Variants in ACSBG1 observed in about 807,000 individuals in gnomAD.
ACSBG1 encodes the protein acyl-CoA synthetase bubblegum family member 1.
A neutral mutation model predicts 80.2 loss-of-function variants in ACSBG1; 39 were observed. The ratio of observed to expected loss-of-function variants is 0.49; its 90% CI spans 0.38 to 0.64. The LOEUF (loss-of-function observed/expected upper bound fraction) is 0.64. Ranked by LOEUF, ACSBG1 falls within the 30% of genes least tolerant of loss-of-function variation. ACSBG1 has a pLI of 0.00. For missense variants in ACSBG1, 828 were observed against 966.4 expected (o/e 0.86, Z 1.90); for synonymous variants, 392 against 379.5 (o/e 1.03, Z -0.38).
intron 5 of ACSBG1, among the ~76,000 whole-genome samples, chr15:78,190,377 C>T (rs751754354): frequency 3.3e-5 from 5 of 150,768 alleles, no homozygotes; most frequent in South Asian, 2.1e-4. Flanking sequence ...TTTTTTAAGA[C>T]AGGGTCTAAC....
chr15:78,210,191 C>G (rs916537930), intron 1 of ACSBG1, among the ~76,000 whole-genome samples: 8 of 152,188 alleles, frequency 5.3e-5, no homozygotes, highest in African/African-American at 1.9e-4. Context: ...CAACCATGGT[C>G]AATGAGAGGG....
At chr15:78,194,324 G>A (rs2075090458) in intron 3 of ACSBG1, among the ~76,000 whole-genome samples, 182 bp downstream of exon 3, 1 of 152,250 alleles carries the variant, frequency 6.6e-6, no homozygotes, top group Non-Finnish European at 1.5e-5. Flanking sequence ...TAGGGGCTCA[G>A]CAAATAAAAG....
At chr15:78,207,686 G>T (rs1479638446) in intron 2 of ACSBG1, 5 of 363,526 alleles carry the variant, frequency 1.4e-5, no homozygotes, top group Admixed American at 7.6e-5. Context: ...GCAACCCTTT[G>T]CTGGAGCCCC....
chr15:78,186,135 A>C (rs931731178), intron 5 of ACSBG1, among the ~76,000 whole-genome samples: 1 of 152,172 alleles, frequency 6.6e-6, no homozygotes, highest in African/African-American at 2.4e-5. Flanking sequence ...CCCCTTTACC[A>C]TTATGTAATG....
chr15:78,194,107 G>A lies in ACSBG1; in HGVS notation c.454-87C>T, dbSNP rs28408435. On this transcript the variant is annotated intron_variant, in intron 3 of 13. Coordinates refer to ENST00000258873, the MANE Select transcript of ACSBG1 (RefSeq NM_015162.5). ...CTCAGAGCCCCCACCCAGACTGCAGGGGACCTGCAGGCTCCACCCTCCCAG... is the reference window on the plus strand; with the variant it reads ...CTCAGAGCCCCCACCCAGACTGCAGAGGACCTGCAGGCTCCACCCTCCCAG... 5.7e-3 allele frequency: 7,446 copies of A among 1,310,834 alleles called. 226 individuals carry two copies. In the African/African-American group the frequency reaches 0.079, roughly 14 times the overall value. The allele number at this position is 1,310,834 out of a possible 1,614,324, so 81.2% of individuals were successfully genotyped here. A position where few individuals can be genotyped will look rare whatever the true frequency, so the allele number is the denominator to read the frequency against.
intron 2 of ACSBG1, 185 bp downstream of exon 2, chr15:78,207,817 G>A (rs900837366): frequency 3.3e-5 from 20 of 603,078 alleles, no homozygotes; most frequent in Non-Finnish European, 4.7e-5. Context: ...ATCACGCCTG[G>A]CCCTGATGGC....
At chr15:78,200,300 G>A (rs923506572) in intron 2 of ACSBG1, among the ~76,000 whole-genome samples, 8 of 152,084 alleles carry the variant, frequency 5.3e-5, no homozygotes, top group African/African-American at 1.9e-4. Context: ...CCTAGCTCTG[G>A]AGGACCCCTT....
intron 7 of ACSBG1, 54 bp downstream of exon 7, chr15:78,182,412 G>T: frequency 6.3e-7 from 1 of 1,599,998 alleles, no homozygotes. Context: ...CCATGGCCCA[G>T]ATCCACCCAT....
In ACSBG1 at chr15:78,177,631, C is replaced by T. The variant is rs969361268; in HGVS notation, c.1702+983G>A. On this transcript the variant is annotated intron_variant, in intron 11 of 13. Coordinates refer to ENST00000258873, the MANE Select transcript of ACSBG1 (RefSeq NM_015162.5). This position sits in a 1 kb window ranked among gnomAD's most constrained non-coding sequence, Gnocchi z 4.1. Reference sequence around the variant, plus strand: ...CTCACTGGAGGGTACCTCCAGGGCTCATCAGCCTGCACATCCCAGGGCCCA... The same window carrying T: ...CTCACTGGAGGGTACCTCCAGGGCTTATCAGCCTGCACATCCCAGGGCCCA... Among the ~76,000 whole-genome samples, 2 of 152,298 alleles carry T rather than the reference C, an allele frequency of 1.3e-5. No individual in the cohort carries two copies. The highest frequency in any genetic ancestry group is 4.8e-5 in the African/African-American group (2 of 41,562).
At chr15:78,229,019 A>T (rs1010219159) in intron 1 of ACSBG1, among the ~76,000 whole-genome samples, 1 of 151,914 alleles carries the variant, frequency 6.6e-6, no homozygotes, top group Admixed American at 6.6e-5. Flanking sequence ...ATAACATAAA[A>T]TTTTCCATTT....
Position 78,182,035 on chromosome 15 carries a change from G to C in ACSBG1, c.1005C>G (p.Ile335Met). The C allele has an allele frequency of 6.2e-7, 1 of 1,614,142 alleles. No individual in the cohort carries two copies. The highest frequency in any genetic ancestry group is 8.5e-7 in the Non-Finnish European group (1 of 1,180,032). Reference sequence around the variant, plus strand: ...ACTGGATGCCTGTCCACAGGTCGTAGATCTGGGCGGCAATATGGCTGAGGG... The same window carrying C: ...ACTGGATGCCTGTCCACAGGTCGTACATCTGGGCGGCAATATGGCTGAGGG... Reference protein sequence around the residue: ...YLPLSHIAAQIYDLWTGIQWG... With the variant: ...YLPLSHIAAQMYDLWTGIQWG... The change falls in exon 8 of 14, where the codon ATC becomes ATG. Residue 335 changes from isoleucine to methionine, a missense_variant. Ile to Met is a conservative substitution (Grantham distance 10). Around this residue, in one of 3 missense-constraint regions of ACSBG1, gnomAD observed 271 missense variants for 375.9 expected, o/e 0.72. Transcript: ENST00000258873.
At chr15:78,215,784 A>AAG (rs1284722394) in intron 1 of ACSBG1, among the ~76,000 whole-genome samples, 92 of 136,392 alleles carry the variant, frequency 6.7e-4, no homozygotes, top group African/African-American at 2.5e-3. Context: ...GAAAGAAAGA[A>AAG]AGAGAAAGAA....
intron 2 of ACSBG1, among the ~76,000 whole-genome samples, chr15:78,207,252 A>G (rs1217389422): frequency 1.3e-5 from 2 of 152,106 alleles, no homozygotes; most frequent in Non-Finnish European, 2.9e-5. Context: ...GGCAGGGGGC[A>G]TGAGAGGAAA....
Position 78,179,613 on chromosome 15 carries a change from T to C in ACSBG1, c.1421A>G (p.Tyr474Cys). The C allele has an allele frequency of 6.2e-7, 1 of 1,614,182 alleles. No individual in the cohort carries two copies. Among genetic ancestry groups the C allele is most frequent in the Non-Finnish European group, 8.5e-7 (1 of 1,180,014 alleles). The change falls in exon 10 of 14, where the codon TAC becomes TGC. Residue 474 changes from tyrosine (Y) to cysteine (C), a missense_variant. Around this residue, in one of 3 missense-constraint regions of ACSBG1, gnomAD observed 271 missense variants for 375.9 expected, o/e 0.72. Transcript: ENST00000258873. Reference sequence around the variant, plus strand: ...GGGGCCTGAGGTCTCACTGAGGCCGTAGCCCGCATACAAGCGGATGTTGAG... The same window carrying C: ...GGGGCCTGAGGTCTCACTGAGGCCGCAGCCCGCATACAAGCGGATGTTGAG... ...LGLNIRLYAG[Y>C]GLSETSGPHF... is the part of the protein sequence containing the mutation.
intron 1 of ACSBG1, among the ~76,000 whole-genome samples, chr15:78,226,784 A>AAATATATATATATAATATATAT (rs2075404455): frequency 1.7e-5 from 2 of 119,676 alleles, no homozygotes; most frequent in African/African-American, 6.0e-5. Flanking sequence ...ACACATAGAA[A>AAATATATATATATAATATATAT]AATATATATA....
rs1332586920 is a variant in ACSBG1, at chr15:78,172,766, T to G, written c.2089+827A>C. 1.3e-5 allele frequency among the ~76,000 whole-genome samples: 2 copies of G among 152,196 alleles called. No individual in the cohort carries two copies. The highest frequency in any genetic ancestry group is 2.9e-5 in the Non-Finnish European group (2 of 68,020). ...AACCATTTCTACCTCTCCTGTTCTATGAACATCCCATGAACATCTCTTGGC... is the reference window on the plus strand; with the variant it reads ...AACCATTTCTACCTCTCCTGTTCTAGGAACATCCCATGAACATCTCTTGGC... On this transcript the variant is annotated intron_variant, in intron 13 of 13. Coordinates refer to ENST00000258873, the MANE Select transcript of ACSBG1 (RefSeq NM_015162.5). This position sits in a 1 kb window ranked among gnomAD's most constrained non-coding sequence, Gnocchi z 4.1.
chr15:78,227,784 A>G (rs1157812158), intron 1 of ACSBG1, among the ~76,000 whole-genome samples: 1 of 152,248 alleles, frequency 6.6e-6, no homozygotes, highest in Non-Finnish European at 1.5e-5. Context: ...ATAGCCACAC[A>G]ATGGAATTCT....
intron 5 of ACSBG1, among the ~76,000 whole-genome samples, chr15:78,190,848 T>C (rs1400265491): frequency 6.6e-6 from 1 of 151,196 alleles, no homozygotes; most frequent in Non-Finnish European, 1.5e-5. Flanking sequence ...GAAGATCAAA[T>C]GGAAGACCAA....
intron 2 of ACSBG1, among the ~76,000 whole-genome samples, chr15:78,205,933 T>C (rs1477612670): frequency 6.6e-6 from 1 of 150,738 alleles, no homozygotes; most frequent in Non-Finnish European, 1.5e-5. Context: ...TGAGAAAGAG[T>C]CCAAGCTCCG....
Sources: allele counts gnomAD v4.1 joint callset (sites outside exome capture counted in the v4.1 genomes callset), GRCh38; gene constraint gnomAD v4.1.1; regional missense constraint gnomAD v4.1.1; non-coding constraint Gnocchi (gnomAD v3.1); transcripts MANE v1.5; gene names NCBI Gene and HGNC (gene_info 2026-07-23, HGNC 2026-07-21).